TENM2: variants seen among roughly 807,000 people sequenced by gnomAD.
The protein encoded by TENM2 is teneurin transmembrane protein 2, also known as teneurin-2.
A neutral mutation model predicts 245.2 loss-of-function variants in TENM2; 52 were observed. The ratio of observed to expected loss-of-function variants is 0.21; its 90% CI spans 0.17 to 0.27. The LOEUF is 0.27. TENM2 is among the 10% of genes least tolerant of loss of function. TENM2 has a pLI of 1.00. For missense variants in TENM2, 3,046 were observed against 3,666.8 expected (o/e 0.83, Z 4.37); for synonymous variants, 1,363 against 1,438.9 (o/e 0.95, Z 1.19).
At chr5:167,640,044 C>T (rs1390794080) in intron 2 of TENM2, among the ~76,000 whole-genome samples, 1 of 152,162 alleles carries the variant, frequency 6.6e-6, no homozygotes, top group African/African-American at 2.4e-5. Flanking sequence ...GACTCCTGGT[C>T]CAATGCACTG....
chr5:168,074,158 G>T (rs17051821), intron 7 of TENM2, among the ~76,000 whole-genome samples: 13,645 of 152,176 alleles, frequency 0.09, 715 homozygotes, highest in East Asian at 0.18. Context: ...TCCTTCCGTT[G>T]AGACACTTTA....
At chr5:167,130,367 A>G in the TENM2 span, among the ~76,000 whole-genome samples, 1 of 152,186 alleles carries the variant, frequency 6.6e-6, no homozygotes, top group Non-Finnish European at 1.5e-5. Flanking sequence ...AGTGTTGACT[A>G]TGTGTCAGGC....
At position 168,176,090 on chromosome 5, in the gene TENM2, TA is replaced by T. The variant is rs1249616673; in HGVS notation, c.2569+13335del. Among the ~76,000 whole-genome samples, 7 of 152,334 alleles carry T rather than the reference TA, an allele frequency of 4.6e-5. No homozygotes were observed. The East Asian group carries it at 1.3e-3, about 29-fold the overall frequency. On this transcript the variant is annotated intron_variant, in intron 13 of 28. Transcript: ENST00000518659. ...CTTAATCCTTAAGGCCATGATTTCTTAATAGCTTTCCACCTCCACTCAGATC... is the reference window on the plus strand; with the variant it reads ...CTTAATCCTTAAGGCCATGATTTCTTATAGCTTTCCACCTCCACTCAGATC...
At chr5:168,214,052 A>G (rs1215680419) in intron 20 of TENM2, among the ~76,000 whole-genome samples, 1 of 152,230 alleles carries the variant, frequency 6.6e-6, no homozygotes, top group Admixed American at 6.5e-5. Context: ...GAACATTAGC[A>G]ATATCCAGTA....
In TENM2 at chr5:167,738,262, G is replaced by A. The variant is rs148975996; in HGVS notation, c.503-137724G>A. Among the ~76,000 whole-genome samples the A allele has an allele frequency of 4.2e-3, 636 of 152,248 alleles. 4 individuals are homozygous for A. Among genetic ancestry groups the A allele is most frequent in the African/African-American group, 0.014 (571 of 41,560 alleles). On this transcript the variant is annotated intron_variant, in intron 2 of 28. Transcript: ENST00000518659. ...TTCTAATTGTTTATATAATAAGAGC[G>A]TAGCATTGGGGGGCTGTTATAACAT... is the stretch of plus-strand genomic sequence containing the variant.
At chr5:168,139,622 C>A (rs1204189594) in intron 12 of TENM2, 2 of 454,588 alleles carry the variant, frequency 4.4e-6, no homozygotes, top group Non-Finnish European at 8.9e-6. Flanking sequence ...AATTAAGTAT[C>A]TGTGTTGATT....
chr5:167,062,554 T>C, the TENM2 span, among the ~76,000 whole-genome samples: 408 of 152,200 alleles, frequency 2.7e-3, no homozygotes, highest in Non-Finnish European at 4.9e-3. Flanking sequence ...ATTATAAGTA[T>C]TGTATAACTA....
At chr5:167,743,713 A>G (rs1482079265) in intron 2 of TENM2, among the ~76,000 whole-genome samples, 1 of 152,216 alleles carries the variant, frequency 6.6e-6, no homozygotes. Context: ...AAAGAGTAAT[A>G]AAGTTAAATT....
intron 3 of TENM2, among the ~76,000 whole-genome samples, chr5:167,902,292 C>T (rs564236122): frequency 1.3e-5 from 2 of 152,222 alleles, no homozygotes; most frequent in Admixed American, 6.5e-5. Context: ...AAAAAGTGCT[C>T]GACAACTGTT....
intron 2 of TENM2, among the ~76,000 whole-genome samples, chr5:167,636,415 G>T (rs750701395): frequency 1.4e-4 from 22 of 152,202 alleles, no homozygotes; most frequent in Non-Finnish European, 2.4e-4. Flanking sequence ...ACTTCGGGAT[G>T]TAGACTTTTA....
At chr5:167,478,549 G>A (rs1000012267) in intron 2 of TENM2, among the ~76,000 whole-genome samples, 1 of 152,052 alleles carries the variant, frequency 6.6e-6, no homozygotes, top group African/African-American at 2.4e-5. Flanking sequence ...TCCACCAGCC[G>A]GATATGGCTT....
chr5:168,240,792 AT>A (rs1766025132), intron 25 of TENM2: 1 of 152,200 alleles, frequency 6.6e-6, no homozygotes, highest in African/African-American at 2.4e-5. Context: ...AGTAGGCATG[AT>A]GGCAAGTCCC....
intron 2 of TENM2, among the ~76,000 whole-genome samples, chr5:167,840,577 G>A (rs1218381736): frequency 1.3e-5 from 2 of 151,902 alleles, no homozygotes; most frequent in Non-Finnish European, 2.9e-5. Context: ...CTGAGAACCT[G>A]ATAAATCAGC....
intron 2 of TENM2, among the ~76,000 whole-genome samples, chr5:167,507,174 G>A (rs577563735): frequency 4.7e-4 from 71 of 152,184 alleles, no homozygotes; most frequent in East Asian, 1.4e-3. Flanking sequence ...AAATAGAATC[G>A]TAGCTATCTC....
intron 2 of TENM2, among the ~76,000 whole-genome samples, chr5:167,793,457 A>G (rs1044222390): frequency 3.3e-5 from 5 of 152,160 alleles, no homozygotes; most frequent in African/African-American, 1.2e-4. Context: ...CTCTTTAGCC[A>G]TTCTTTCATC....
chr5:167,120,078 A>G, the TENM2 span, among the ~76,000 whole-genome samples: 2 of 152,092 alleles, frequency 1.3e-5, no homozygotes, highest in Admixed American at 1.3e-4. Flanking sequence ...GAAGTGAGCC[A>G]TGGAGGGCAG....
chr5:167,518,441 C>T lies in TENM2; in HGVS notation c.502+142968C>T, dbSNP rs1188035082. On this transcript the variant is annotated intron_variant, in intron 2 of 28. Transcript: ENST00000518659. ...GACTGAAAGTAGACTAATGTCCTAT[C>T]ATTAGATTGAATCATATATAATTGT... Among the ~76,000 whole-genome samples the T allele has an allele frequency of 3.9e-5, 6 of 152,248 alleles. No homozygotes were observed. The East Asian group carries it at 1.2e-3, about 29-fold the overall frequency.
chr5:166,979,874 A>AT, the TENM2 span, among the ~76,000 whole-genome samples: 33 of 151,260 alleles, frequency 2.2e-4, no homozygotes, highest in East Asian at 5.8e-4. Context: ...AATTATAGGG[A>AT]TTTTTTTTTA....
intron 12 of TENM2, among the ~76,000 whole-genome samples, chr5:168,152,631 G>A (rs1756757022): frequency 6.6e-6 from 1 of 152,200 alleles, no homozygotes; most frequent in Non-Finnish European, 1.5e-5. Context: ...CTGGACAGCT[G>A]TGGGAATAAG....
Sources: gnomAD v4.1 joint callset for allele counts (sites outside exome capture counted in the v4.1 genomes callset) on GRCh38, gnomAD v4.1.1 for gene constraint, MANE v1.5 for transcripts, NCBI Gene and HGNC (gene_info 2026-07-23, HGNC 2026-07-21) for gene names.